Variants in TXNDC12 observed in about 807,000 individuals in gnomAD.
TXNDC12 encodes the protein thioredoxin domain containing 12, also known as thioredoxin domain-containing protein 12.
In TXNDC12, 22 loss-of-function variants were observed where a neutral mutation model predicts 24.2. The ratio of observed to expected loss-of-function variants is 0.91; its 90% confidence interval spans 0.65 to 1.30. The LOEUF (loss-of-function observed/expected upper bound fraction) is 1.30, where lower values mean the gene tolerates loss of function less well. Ranked by LOEUF, TXNDC12 falls within the 50% of genes most tolerant of loss-of-function variation. The pLI is 0.00. For synonymous variants in TXNDC12, 58 were observed against 73.4 expected, an observed-to-expected ratio of 0.79 and a Z score of 1.07; for missense variants, 184 against 205.8, an observed-to-expected ratio of 0.89 and a Z score of 0.65.
intron 1 of TXNDC12, among the ~76,000 whole-genome samples, chr1:52,050,322 A>C (rs986438696): frequency 6.6e-6 from 1 of 152,258 alleles, no homozygotes; most frequent in Non-Finnish European, 1.5e-5. Context: ...AACATGGAAC[A>C]TCTGAAGGCA....
intron 4 of TXNDC12, among the ~76,000 whole-genome samples, chr1:52,026,649 C>A (rs968155782): frequency 6.6e-6 from 1 of 152,174 alleles, no homozygotes; most frequent in Non-Finnish European, 1.5e-5. Flanking sequence ...CCTGTAATCC[C>A]AGCATTTTGG....
intron 2 of TXNDC12, among the ~76,000 whole-genome samples, chr1:52,037,657 C>T (rs1685910284): frequency 6.6e-6 from 1 of 152,290 alleles, no homozygotes; most frequent in East Asian, 1.9e-4. Context: ...TTGATGGAAC[C>T]AATCCAGAAA....
chr1:52,023,630 C>T (rs974329764), intron 5 of TXNDC12, 56 bp from the exon 6 acceptor site: 13 of 1,325,030 alleles, frequency 9.8e-6, no homozygotes, highest in Non-Finnish European at 1.4e-5. Flanking sequence ...ACAGGTACTT[C>T]AAACACTACC....
chr1:52,025,975 C>T (rs1368394090), intron 4 of TXNDC12, among the ~76,000 whole-genome samples: 7 of 151,826 alleles, frequency 4.6e-5, no homozygotes, highest in African/African-American at 9.7e-5. Context: ...ACTACAGGCA[C>T]GCACCACCAC....
intron 2 of TXNDC12, chr1:52,032,338 A>T (rs1685777488): frequency 1.3e-5 from 13 of 1,030,850 alleles, no homozygotes; most frequent in African/African-American, 1.7e-5. Context: ...CAATTGTTTT[A>T]AAACAATTCT....
intron 2 of TXNDC12, among the ~76,000 whole-genome samples, chr1:52,038,413 C>T (rs552186917): frequency 2.6e-5 from 4 of 151,720 alleles, no homozygotes; most frequent in East Asian, 3.9e-4. Context: ...CAGGCTCAAG[C>T]GATTCTCCTG....
chr1:52,032,844 G>C, intron 2 of TXNDC12: 2 of 1,614,256 alleles, frequency 1.2e-6, no homozygotes, highest in South Asian at 2.2e-5. Context: ...TAAACCGCAA[G>C]TGCTCTGTGG....
chr1:52,053,291 C>T (rs1686255591), intron 1 of TXNDC12, among the ~76,000 whole-genome samples: 1 of 151,806 alleles, frequency 6.6e-6, no homozygotes, highest in African/African-American at 2.4e-5. Flanking sequence ...ACAGAAAAAA[C>T]AGCAAAGAAA....
intron 6 of TXNDC12, 148 bp from the exon 7 acceptor site, chr1:52,021,160 A>G (rs1267699056): frequency 1.6e-6 from 1 of 608,906 alleles, no homozygotes; most frequent in Non-Finnish European, 2.9e-6. Flanking sequence ...TGGCCCTGGC[A>G]AGTCATTTAT....
intron 4 of TXNDC12, among the ~76,000 whole-genome samples, chr1:52,025,180 A>G (rs1685654871): frequency 6.6e-6 from 1 of 151,826 alleles, no homozygotes; most frequent in African/African-American, 2.4e-5. Flanking sequence ...TTGTGGACTC[A>G]TAGTCCTCCC....
At chr1:52,035,155 G>A (rs1685858572) in intron 2 of TXNDC12, among the ~76,000 whole-genome samples, 2 of 152,190 alleles carry the variant, frequency 1.3e-5, no homozygotes, top group Admixed American at 6.5e-5. Flanking sequence ...TGTATAAACA[G>A]CAAGCACTAT....
intron 1 of TXNDC12, among the ~76,000 whole-genome samples, chr1:52,049,916 T>C (rs1024392615): frequency 5.3e-5 from 8 of 152,210 alleles, no homozygotes; most frequent in African/African-American, 1.9e-4. Context: ...ATGTGCCAGG[T>C]ACTTAAATGC....
At chr1:52,056,054 T>C (rs1284712438), upstream of TXNDC12, 3 of 152,120 alleles carry the variant, frequency 2.0e-5, no homozygotes, top group African/African-American at 7.2e-5. Flanking sequence ...AATAAAAACA[T>C]ACCGACCACC....
chr1:52,045,249 G>A (rs1572009969), intron 1 of TXNDC12, among the ~76,000 whole-genome samples: 1 of 152,166 alleles, frequency 6.6e-6, no homozygotes, highest in Non-Finnish European at 1.5e-5. Flanking sequence ...GGGATTCTGG[G>A]GGAGAGAGAT....
At chr1:52,030,862 GAT>G (rs1158519730) in intron 2 of TXNDC12, among the ~76,000 whole-genome samples, 9 of 152,234 alleles carry the variant, frequency 5.9e-5, no homozygotes, top group East Asian at 1.9e-4. Flanking sequence ...ACTCCTTTGT[GAT>G]ATGTTAAAAT....
At chr1:52,053,126 A>C (rs1289462532) in intron 1 of TXNDC12, among the ~76,000 whole-genome samples, 1 of 151,582 alleles carries the variant, frequency 6.6e-6, no homozygotes, top group Non-Finnish European at 1.5e-5. Flanking sequence ...AGCTGGGCAT[A>C]GTGGCACATG....
intron 2 of TXNDC12, chr1:52,033,216 C>T (rs2124370370): frequency 1.9e-6 from 3 of 1,614,192 alleles, no homozygotes; most frequent in Non-Finnish European, 2.5e-6. Context: ...CTGGAGACTC[C>T]GCAGCCCCGG....
chr1:52,053,676 A>G (rs926001057), intron 1 of TXNDC12, among the ~76,000 whole-genome samples: 1 of 151,250 alleles, frequency 6.6e-6, no homozygotes, highest in African/African-American at 2.5e-5. Context: ...AAACAAAACA[A>G]AACAACAACA....
intron 1 of TXNDC12, among the ~76,000 whole-genome samples, chr1:52,042,513 T>C (rs1686012080): frequency 6.6e-6 from 1 of 150,668 alleles, no homozygotes; most frequent in African/African-American, 2.4e-5. Flanking sequence ...CAGGCTAGAA[T>C]AAAGTGGTAT....
Sources: gnomAD v4.1 joint callset for allele counts (sites outside exome capture counted in the v4.1 genomes callset) on GRCh38, gnomAD v4.1.1 for gene constraint, MANE v1.5 for transcripts, NCBI Gene and HGNC (gene_info 2026-07-23, HGNC 2026-07-21) for gene names.